TM2D1: variants seen among roughly 807,000 people sequenced by gnomAD.
The protein encoded by TM2D1 is TM2 domain containing 1, also known as TM2 domain-containing protein 1.
TM2D1 carries 15 observed loss-of-function variants against 28.4 expected under a neutral mutation model. The ratio of observed to expected loss-of-function variants is 0.53; its 90% CI spans 0.35 to 0.81. The LOEUF (loss-of-function observed/expected upper bound fraction) is 0.81, where lower values mean the gene tolerates loss of function less well. Ranked by LOEUF, TM2D1 falls within the 40% of genes least tolerant of loss-of-function variation. TM2D1 has a pLI of 0.01. For missense variants in TM2D1, 236 were observed against 254.9 expected (o/e 0.93, Z 0.50); for synonymous variants, 93 against 96.2 (o/e 0.97, Z 0.20).
At chr1:61,721,307 C>T (rs1430302761) in intron 2 of TM2D1, among the ~76,000 whole-genome samples, 2 of 151,790 alleles carry the variant, frequency 1.3e-5, no homozygotes, top group Non-Finnish European at 1.5e-5. Flanking sequence ...TTTGGGAGGA[C>T]GAGGCAGGTG....
intron 2 of TM2D1, among the ~76,000 whole-genome samples, chr1:61,718,249 G>A (rs924745691): frequency 2.0e-5 from 3 of 150,890 alleles, no homozygotes; most frequent in African/African-American, 4.9e-5. Context: ...GAGATCCTGC[G>A]ACCAAACTCC....
chr1:61,713,561 A>G (rs1165923542), intron 2 of TM2D1, among the ~76,000 whole-genome samples: 1 of 151,528 alleles, frequency 6.6e-6, no homozygotes, highest in East Asian at 1.9e-4. Flanking sequence ...CTCAAAAAGC[A>G]GCTTTAAATC....
At chr1:61,707,420 A>G (rs902069487) in intron 3 of TM2D1, among the ~76,000 whole-genome samples, 2 of 152,208 alleles carry the variant, frequency 1.3e-5, no homozygotes, top group Non-Finnish European at 2.9e-5. Context: ...TGTAAGTTCC[A>G]GCCTGAGTGG....
At chr1:61,703,665 G>C (rs1192784880) in intron 3 of TM2D1, among the ~76,000 whole-genome samples, 2 of 142,292 alleles carry the variant, frequency 1.4e-5, no homozygotes, top group Non-Finnish European at 3.0e-5. Flanking sequence ...TGTGGGCCTT[G>C]GCCTCCCAAA....
intron 3 of TM2D1, among the ~76,000 whole-genome samples, chr1:61,703,399 A>G (rs917793253): frequency 4.9e-5 from 7 of 144,312 alleles, no homozygotes; most frequent in Non-Finnish European, 9.0e-5. Flanking sequence ...ATACATATAT[A>G]TATGTTTCAC....
chr1:61,691,294 G>A (rs185309534), intron 5 of TM2D1, among the ~76,000 whole-genome samples: 2 of 152,074 alleles, frequency 1.3e-5, no homozygotes, highest in Non-Finnish European at 2.9e-5. Context: ...TCAGGAGTTT[G>A]AGACCAGCCT....
chr1:61,699,043 A>C (rs915486192), intron 4 of TM2D1: 2 of 152,160 alleles, frequency 1.3e-5, no homozygotes, highest in Non-Finnish European at 2.9e-5. Context: ...TATTTAAAAT[A>C]CTTAAAAATT....
chr1:61,714,190 C>T (rs1393592419), intron 2 of TM2D1, among the ~76,000 whole-genome samples: 44 of 150,074 alleles, frequency 2.9e-4, no homozygotes, highest in Admixed American at 5.3e-4. Flanking sequence ...CCACCGCGCC[C>T]GGCCAAAAAC....
chr1:61,682,519 C>A (rs1258009294), intron 6 of TM2D1, among the ~76,000 whole-genome samples: 4 of 152,012 alleles, frequency 2.6e-5, no homozygotes, highest in Admixed American at 6.6e-5. Context: ...TTTAAAAAAC[C>A]TTGTAGTAGC....
chr1:61,689,435 T>A (rs914372847), intron 5 of TM2D1, among the ~76,000 whole-genome samples: 1 of 152,162 alleles, frequency 6.6e-6, no homozygotes, highest in Non-Finnish European at 1.5e-5. Context: ...ACAATCACAG[T>A]TCACTCTGCA....
chr1:61,690,233 G>A (rs1205668288), intron 5 of TM2D1, among the ~76,000 whole-genome samples: 1 of 152,054 alleles, frequency 6.6e-6, no homozygotes, highest in Non-Finnish European at 1.5e-5. Flanking sequence ...AAGGTGGGTG[G>A]ATCATTTGAG....
At chr1:61,702,303 A>G (rs1388274150) in intron 3 of TM2D1, among the ~76,000 whole-genome samples, 1 of 151,864 alleles carries the variant, frequency 6.6e-6, no homozygotes, top group Non-Finnish European at 1.5e-5. Flanking sequence ...AAAGAAACAA[A>G]TGCAATTTTA....
At chr1:61,720,026 G>A (rs1644551096) in intron 2 of TM2D1, among the ~76,000 whole-genome samples, 1 of 152,172 alleles carries the variant, frequency 6.6e-6, no homozygotes, top group Non-Finnish European at 1.5e-5. Context: ...ATTCACAGGT[G>A]TGTCGTTTGT....
At chr1:61,714,286 T>C (rs1257722986) in intron 2 of TM2D1, among the ~76,000 whole-genome samples, 3 of 147,720 alleles carry the variant, frequency 2.0e-5, no homozygotes, top group East Asian at 4.4e-4. Flanking sequence ...CTCACACCTG[T>C]AATCCCAGCA....
chr1:61,714,167 T>C (rs912758320), intron 2 of TM2D1, among the ~76,000 whole-genome samples: 1 of 142,650 alleles, frequency 7.0e-6, no homozygotes, highest in Non-Finnish European at 1.5e-5. Flanking sequence ...AGTGCTGGGA[T>C]TACAGGCCTG....
At chr1:61,716,027 G>T (rs1047933489) in intron 2 of TM2D1, among the ~76,000 whole-genome samples, 1 of 151,196 alleles carries the variant, frequency 6.6e-6, no homozygotes, top group Admixed American at 6.6e-5. Context: ...GGATGGTCTC[G>T]ATCTCCTGAC....
intron 5 of TM2D1, among the ~76,000 whole-genome samples, chr1:61,687,901 C>T (rs953810291): frequency 1.3e-5 from 2 of 152,214 alleles, no homozygotes; most frequent in Non-Finnish European, 2.9e-5. Flanking sequence ...TCCATCCCAA[C>T]TCCCCCAAAT....
intron 5 of TM2D1, among the ~76,000 whole-genome samples, chr1:61,691,571 T>G (rs558797240): frequency 7.3e-4 from 110 of 151,254 alleles, no homozygotes; most frequent in Non-Finnish European, 1.1e-3. Context: ...ACAATCTCAT[T>G]TTTCTGATAA....
At chr1:61,701,169 AG>A (rs1644397887) in intron 3 of TM2D1, 144 bp from the exon 4 acceptor site, 1 of 616,350 alleles carries the variant, frequency 1.6e-6, no homozygotes, top group Non-Finnish European at 2.9e-6. Context: ...GCACTATTCT[AG>A]GCTATTGGAA....
Sources: allele counts gnomAD v4.1 joint callset (sites outside exome capture counted in the v4.1 genomes callset), GRCh38; gene constraint gnomAD v4.1.1; transcripts MANE v1.5; gene names NCBI Gene and HGNC (gene_info 2026-07-23, HGNC 2026-07-21).